HS3ST2: variants seen among roughly 807,000 people sequenced by gnomAD.
HS3ST2 encodes the protein heparan sulfate glucosamine 3-O-sulfotransferase 2.
In HS3ST2, 17 loss-of-function variants were observed where a neutral mutation model predicts 26.3. The ratio of observed to expected loss-of-function variants is 0.65; its 90% confidence interval spans 0.44 to 0.97. HS3ST2 has a LOEUF of 0.97. Ranked by LOEUF, HS3ST2 falls within the 50% of genes least tolerant of loss-of-function variation. The probability of loss-of-function intolerance (pLI) is 0.00; values close to 1 mark genes in which losing one functional copy is unlikely to be tolerated. For synonymous variants in HS3ST2, 237 were observed against 219.2 expected (o/e 1.08, Z -0.72); for missense variants, 402 against 501.2 (o/e 0.80, Z 1.89).
chr16:22,844,632 G>A lies in HS3ST2; in HGVS notation c.485+29537G>A, dbSNP rs570410135. ...GCTGGACTTCCTCCTGGCTGTTCTC[G>A]TGATGGTGAGTGAGTTCTCATGAGA... On this transcript the variant is annotated intron_variant, in intron 1 of 1. Transcript: ENST00000261374. Among the ~76,000 whole-genome samples the A allele has an allele frequency of 1.6e-4, 24 of 152,196 alleles. No individual in the cohort carries two copies. In the East Asian group the frequency reaches 3.3e-3, roughly 21 times the overall value.
At chr16:22,826,556 T>C (rs111288516) in intron 1 of HS3ST2, among the ~76,000 whole-genome samples, 2 of 152,302 alleles carry the variant, frequency 1.3e-5, no homozygotes, top group African/African-American at 4.8e-5. Context: ...CCCACTAGCC[T>C]GAAAACTCCC....
At chr16:22,857,892 A>G (rs538803481) in intron 1 of HS3ST2, among the ~76,000 whole-genome samples, 22 of 152,118 alleles carry the variant, frequency 1.4e-4, no homozygotes, top group South Asian at 6.2e-4. Context: ...ATTTCCATCT[A>G]TAATTAATAA....
chr16:22,829,804 G>T (rs899055296), intron 1 of HS3ST2, among the ~76,000 whole-genome samples: 1 of 152,144 alleles, frequency 6.6e-6, no homozygotes, highest in Non-Finnish European at 1.5e-5. Flanking sequence ...GATTCAATGT[G>T]ATAAGAAAGT....
At chr16:22,884,677 T>TTATA (rs71901649) in intron 1 of HS3ST2, among the ~76,000 whole-genome samples, 10 of 138,312 alleles carry the variant, frequency 7.2e-5, no homozygotes, top group South Asian at 2.3e-4. Context: ...TATATATATA[T>TTATA]TATATATATA....
chr16:22,878,669 A>G lies in HS3ST2; in HGVS notation c.486-36275A>G, dbSNP rs920470705. The stretch of plus-strand genomic sequence containing the variant: ...TTAGAAGGTGGTAAGTGATGCAGAG[A>G]AAAACAACAAGAATTGAGGGTAAGG... On this transcript the variant is annotated intron_variant, in intron 1 of 1. Coordinates refer to ENST00000261374, the MANE Select transcript of HS3ST2 (RefSeq NM_006043.2). 4.6e-5 allele frequency among the ~76,000 whole-genome samples: 7 copies of G among 152,156 alleles called. No individual in the cohort carries two copies. In the East Asian group the frequency reaches 1.3e-3, roughly 29 times the overall value.
intron 1 of HS3ST2, among the ~76,000 whole-genome samples, chr16:22,908,487 T>C (rs1336859613): frequency 1.3e-5 from 2 of 152,158 alleles, no homozygotes; most frequent in Non-Finnish European, 2.9e-5. Context: ...AAAATGAATT[T>C]ATTTCTTACA....
chr16:22,883,263 A>G (rs963299860), intron 1 of HS3ST2, among the ~76,000 whole-genome samples: 2 of 152,226 alleles, frequency 1.3e-5, no homozygotes, highest in Admixed American at 6.5e-5. Flanking sequence ...TCAGACAACT[A>G]TTGTCCATAA....
intron 1 of HS3ST2, among the ~76,000 whole-genome samples, chr16:22,839,387 G>A (rs1237469728): frequency 6.6e-6 from 1 of 152,222 alleles, no homozygotes; most frequent in Non-Finnish European, 1.5e-5. Context: ...CAAAGGAGGA[G>A]TAGAACAATG....
At chr16:22,864,076 C>G (rs1901715560) in intron 1 of HS3ST2, among the ~76,000 whole-genome samples, 1 of 152,126 alleles carries the variant, frequency 6.6e-6, no homozygotes, top group Non-Finnish European at 1.5e-5. Context: ...GTAAACTCAC[C>G]CACCCTGGAC....
At chr16:22,894,024 T>A (rs1902170868) in intron 1 of HS3ST2, among the ~76,000 whole-genome samples, 1 of 152,236 alleles carries the variant, frequency 6.6e-6, no homozygotes, top group African/African-American at 2.4e-5. Context: ...TCTTACTATG[T>A]TGCCCAGGCT....
intron 1 of HS3ST2, among the ~76,000 whole-genome samples, chr16:22,828,239 C>CT (rs974937931): frequency 2.6e-5 from 4 of 152,092 alleles, no homozygotes; most frequent in African/African-American, 9.7e-5. Flanking sequence ...TCTTTGAGGC[C>CT]TTTTTTATAA....
intron 1 of HS3ST2, among the ~76,000 whole-genome samples, chr16:22,905,183 A>T (rs1288613161): frequency 6.6e-6 from 1 of 152,186 alleles, no homozygotes; most frequent in African/African-American, 2.4e-5. Context: ...CAGAAAATGA[A>T]ATCTTCCAGA....
At chr16:22,857,681 A>G (rs1901613961) in intron 1 of HS3ST2, among the ~76,000 whole-genome samples, 1 of 152,220 alleles carries the variant, frequency 6.6e-6, no homozygotes, top group African/African-American at 2.4e-5. Context: ...AATGTGAAAG[A>G]CAATCTTCTA....
chr16:22,832,136 C>T (rs992098907), intron 1 of HS3ST2, among the ~76,000 whole-genome samples: 1 of 146,834 alleles, frequency 6.8e-6, no homozygotes, highest in African/African-American at 2.5e-5. Context: ...GCATGTGCTA[C>T]CATCCCCAGC....
intron 1 of HS3ST2, among the ~76,000 whole-genome samples, chr16:22,902,681 T>A (rs1485487016): frequency 1.3e-5 from 2 of 152,260 alleles, no homozygotes; most frequent in African/African-American, 4.8e-5. Flanking sequence ...GAGTGTTAGT[T>A]CTTCACATTC....
chr16:22,816,694 T>G (rs1163568475), intron 1 of HS3ST2, among the ~76,000 whole-genome samples: 5 of 152,150 alleles, frequency 3.3e-5, no homozygotes, highest in Non-Finnish European at 7.3e-5. Flanking sequence ...CCCGTCTAGG[T>G]GCATGTGGAC....
intron 1 of HS3ST2, among the ~76,000 whole-genome samples, chr16:22,837,997 G>A (rs1377557916): frequency 6.6e-6 from 1 of 151,814 alleles, no homozygotes; most frequent in African/African-American, 2.4e-5. Flanking sequence ...TAACAAAATT[G>A]TAGGTAAAAA....
rs140263335 is a variant in HS3ST2 at position 22,831,107 on chromosome 16, C to T, written c.485+16012C>T. ...AAAGGTGTTAATGACATTCTAGAAC[C>T]CAATGAAGACTTTCTCCATGATGGA... On this transcript the variant is annotated intron_variant, in intron 1 of 1. Transcript: ENST00000261374. Among the ~76,000 whole-genome samples, 37 of 152,248 alleles carry T rather than the reference C, an allele frequency of 2.4e-4. No individual in the cohort carries two copies. In the East Asian group the frequency reaches 6.4e-3, roughly 26 times the overall value.
rs761536093 is a variant in HS3ST2, at chr16:22,814,785, C to T, written c.175C>T (p.Pro59Ser). Residue 59 changes from proline to serine, a missense_variant, in exon 1 of 2, where the codon CCC (proline) becomes TCC (serine). Physicochemically the swap from Pro to Ser is moderately conservative, Grantham distance 74. Transcript: ENST00000261374. Reference protein sequence around the residue: ...LLGAPRCLRGPSAGGQKLLQK... With the variant: ...LLGAPRCLRGSSAGGQKLLQK... ...CGGCGCGCCTCGCTGCCTCCGCGGC[C>T]CCAGCGCGGGCGGCCAGAAACTTCT... is the stretch of plus-strand genomic sequence containing the variant. 6.3e-7 allele frequency: 1 copy of T among 1,598,430 alleles called. No individual in the cohort carries two copies. Among genetic ancestry groups the T allele is most frequent in the Non-Finnish European group, 8.5e-7 (1 of 1,173,964 alleles).
Sources: allele counts gnomAD v4.1 joint callset (sites outside exome capture counted in the v4.1 genomes callset), GRCh38; gene constraint gnomAD v4.1.1; transcripts MANE v1.5; gene names NCBI Gene and HGNC (gene_info 2026-07-23, HGNC 2026-07-21).